The following IGSF3 variants were observed in gnomAD, a reference collection of about 807,000 sequenced individuals.
The protein encoded by IGSF3 is immunoglobulin superfamily member 3.
IGSF3 carries 23 observed loss-of-function variants against 114.4 expected under a neutral mutation model. The observed-to-expected ratio is 0.20, with a 90% CI of 0.14 to 0.28. The LOEUF (loss-of-function observed/expected upper bound fraction) is 0.28, where lower values mean the gene tolerates loss of function less well. IGSF3 is among the 10% of genes least tolerant of loss of function. IGSF3 has a pLI of 1.00. For missense variants in IGSF3, 1,172 were observed against 1,591.5 expected, an observed-to-expected ratio of 0.74 and a Z score of 4.48; for synonymous variants, 571 against 645.2, an observed-to-expected ratio of 0.88 and a Z score of 1.74.
intron 2 of IGSF3, among the ~76,000 whole-genome samples, chr1:116,658,812 C>T (rs1648989951): frequency 6.6e-6 from 1 of 152,230 alleles, no homozygotes; most frequent in Non-Finnish European, 1.5e-5. Flanking sequence ...CTCTCTCCCC[C>T]AGTAGACACC....
chr1:116,606,279 C>G (rs1200711828), intron 5 of IGSF3, among the ~76,000 whole-genome samples: 1 of 152,230 alleles, frequency 6.6e-6, no homozygotes, highest in Non-Finnish European at 1.5e-5. Context: ...ACTAACTGAA[C>G]AATCAGCTCT....
In IGSF3 at chr1:116,662,094, C is replaced by CA. The variant is rs1246621003; in HGVS notation, c.43+4189dup. Among the ~76,000 whole-genome samples the CA allele has an allele frequency of 2.0e-5, 3 of 151,030 alleles. No homozygotes were observed. The East Asian group carries it at 5.8e-4, about 29-fold the overall frequency. On this transcript the variant is annotated intron_variant, in intron 2 of 10. Transcript: ENST00000369486. This position sits in a 1 kb window ranked among gnomAD's most constrained non-coding sequence, Gnocchi z 4.3. ...AGTGACTCTTTTTTTTTTTTTGAGA[C>CA]AGAGTTTTGCTCATTGCCCAGGCTG...
At chr1:116,619,333 G>A (rs573764645) in intron 2 of IGSF3, among the ~76,000 whole-genome samples, 2 of 152,142 alleles carry the variant, frequency 1.3e-5, no homozygotes, top group African/African-American at 2.4e-5. Flanking sequence ...GATCATGCAC[G>A]TCCTCCCCAC....
chr1:116,584,703 C>A lies in IGSF3; in HGVS notation c.2790G>T (p.Met930Ile), dbSNP rs1422320410. The A allele has an allele frequency of 6.2e-6, 10 of 1,613,880 alleles. No individual in the cohort carries two copies. The highest frequency in any genetic ancestry group is 8.5e-6 in the Non-Finnish European group (10 of 1,179,716). Reference sequence around the variant, plus strand: ...CGGTGTCCTCTGCCCGCTTATACCACATGCCACTGGGGCTGGGCAGCCACT... The same window carrying A: ...CGGTGTCCTCTGCCCGCTTATACCAAATGCCACTGGGGCTGGGCAGCCACT... ...VEEWLPSPSG[M>I]WYKRAEDTAG... Residue 930 changes from methionine (M) to isoleucine (I), a missense_variant, in exon 9 of 11, where the codon ATG (methionine) becomes ATT (isoleucine). Physicochemically the swap from Met to Ile is conservative, Grantham distance 10. Transcript: ENST00000369486. This position sits in a 1 kb window ranked among gnomAD's most constrained non-coding sequence, Gnocchi z 5.8.
At position 116,647,191 on chromosome 1, in the gene IGSF3, G is replaced by A. The variant is rs533906442; in HGVS notation, c.43+19093C>T. The stretch of plus-strand genomic sequence containing the variant: ...CCCAGGCAGCGATGCCCAAATGACC[G>A]GCTGAGGAATCACCTCACTGCTGCC... On this transcript the variant is annotated intron_variant, in intron 2 of 10. Transcript: ENST00000369486. The surrounding 1 kb of genome is among the most constrained non-coding windows in gnomAD (Gnocchi z 4.6). Among the ~76,000 whole-genome samples, 19 of 152,194 alleles carry A rather than the reference G, an allele frequency of 1.2e-4. No homozygotes were observed. Among genetic ancestry groups the A allele is most frequent in the South Asian group, 2.1e-4 (1 of 4,832 alleles).
Position 116,579,857 on chromosome 1 carries a change from T to C in IGSF3, c.2869A>G (p.Thr957Ala), listed in dbSNP as rs1312221854. 4.4e-6 allele frequency: 7 copies of C among 1,606,944 alleles called. No individual in the cohort carries two copies. Among genetic ancestry groups the C allele is most frequent in the Non-Finnish European group, 5.1e-6 (6 of 1,177,090 alleles). The change falls in exon 10 of 11, where the codon ACA becomes GCA. Residue 957 changes from threonine (T) to alanine (A), a missense_variant. By Grantham distance (58) the Thr-to-Ala change is moderately conservative. This residue lies in a region of IGSF3 where 423 missense variants were observed against 509.8 expected (regional missense o/e 0.83). Coordinates refer to ENST00000369486, the MANE Select transcript of IGSF3 (RefSeq NM_001007237.3). This position sits in a 1 kb window ranked among gnomAD's most constrained non-coding sequence, Gnocchi z 6.4. ...MRPDASLQVD[T>A]VVPNATVSEK... Reference sequence around the variant, plus strand: ...GAGACCGTGGCATTGGGGACCACTGTGTCCACCTGCAGGGAAGCATCTGGG... The same window carrying C: ...GAGACCGTGGCATTGGGGACCACTGCGTCCACCTGCAGGGAAGCATCTGGG...
rs1457323413 is a variant in IGSF3, at chr1:116,582,746, T to C, written c.2848+1899A>G. ...ACATAAAACAGTAAGATCCTGAGTTTGTTTACAGACAGAGGAAATATGAAG... is the reference window on the plus strand; with the variant it reads ...ACATAAAACAGTAAGATCCTGAGTTCGTTTACAGACAGAGGAAATATGAAG... On this transcript the variant is annotated intron_variant, in intron 9 of 10. Coordinates refer to ENST00000369486, the MANE Select transcript of IGSF3 (RefSeq NM_001007237.3). The surrounding 1 kb of genome is among the most constrained non-coding windows in gnomAD (Gnocchi z 4.7). 2.0e-5 allele frequency among the ~76,000 whole-genome samples: 3 copies of C among 152,192 alleles called. No homozygotes were observed. The highest frequency in any genetic ancestry group is 7.2e-5 in the African/African-American group (3 of 41,434).
intron 7 of IGSF3, among the ~76,000 whole-genome samples, chr1:116,597,400 A>C (rs1170184336): frequency 6.6e-6 from 1 of 152,238 alleles, no homozygotes; most frequent in Non-Finnish European, 1.5e-5. Context: ...TTAAGTGCTA[A>C]ATGCATAAAT....
rs1649356331 is a variant in IGSF3 at position 116,666,910 on chromosome 1, G to A, written c.-584C>T. 2.5e-6 allele frequency: 1 copy of A among 402,508 alleles called. No individual in the cohort carries two copies. The allele number at this position is 402,508 out of a possible 1,614,324, so 24.9% of individuals were successfully genotyped here. On this transcript the variant is annotated 5_prime_UTR_variant, in exon 2 of 11. Coordinates refer to ENST00000369486, the MANE Select transcript of IGSF3 (RefSeq NM_001007237.3). ...CGCCTGCCTAGGGCACACGAAGCAA[G>A]TTGGCGTTCGGCAGCCCTGAAGCGG...
rs1239529132 is a variant in IGSF3 at position 116,582,831 on chromosome 1, G to GT, written c.2848+1813dup. ...TATTAATAGTAGATATTTGTAGGCC[G>GT]TGAGATTATGGCTAACCTTTCTTTT... On this transcript the variant is annotated intron_variant, in intron 9 of 10. Coordinates refer to ENST00000369486, the MANE Select transcript of IGSF3 (RefSeq NM_001007237.3). This position sits in a 1 kb window ranked among gnomAD's most constrained non-coding sequence, Gnocchi z 4.7. Among the ~76,000 whole-genome samples the GT allele has an allele frequency of 2.0e-5, 3 of 152,196 alleles. No individual in the cohort carries two copies. The highest frequency in any genetic ancestry group is 4.4e-5 in the Non-Finnish European group (3 of 68,032).
Position 116,603,719 on chromosome 1 carries a change from T to G in IGSF3, c.1529A>C (p.Glu510Ala), listed in dbSNP as rs772823942. Residue 510 changes from glutamate (E) to alanine (A), a missense_variant, in exon 6 of 11, where the codon GAA (glutamate) becomes GCA (alanine). Transcript: ENST00000369486. The surrounding 1 kb of genome is among the most constrained non-coding windows in gnomAD (Gnocchi z 7.1). ...NSRKEDEGQY[E>A]CHVTEWVRAV... ...CCGCACCCATTCAGTCACATGGCAT[T>G]CATACTGGCCCTCGTCCTCCTTCCT... 4.2e-5 allele frequency: 68 copies of G among 1,613,812 alleles called. No homozygotes were observed. Among genetic ancestry groups the G allele is most frequent in the Non-Finnish European group, 5.7e-5 (67 of 1,179,866 alleles).
In IGSF3 at chr1:116,636,847, A is replaced by T. The variant is rs1388855746; in HGVS notation, c.44-20390T>A. Among the ~76,000 whole-genome samples, 1 of 152,176 alleles carries T rather than the reference A, an allele frequency of 6.6e-6. No homozygotes were observed. The highest frequency in any genetic ancestry group is 2.4e-5 in the African/African-American group (1 of 41,436). On this transcript the variant is annotated intron_variant, in intron 2 of 10. Coordinates refer to ENST00000369486, the MANE Select transcript of IGSF3 (RefSeq NM_001007237.3). This position sits in a 1 kb window ranked among gnomAD's most constrained non-coding sequence, Gnocchi z 4.5. ...GTGTTTTTCTTCCTGGCTTTAAAAC[A>T]AATTGTGACAAATGGCTCCACAGAT...
chr1:116,621,495 C>T (rs1275040309), intron 2 of IGSF3, among the ~76,000 whole-genome samples: 2 of 152,188 alleles, frequency 1.3e-5, no homozygotes, highest in Non-Finnish European at 2.9e-5. Context: ...CTGCAACCTC[C>T]TGGGAGACTC....
chr1:116,586,752 T>C (rs1220023089), intron 8 of IGSF3, among the ~76,000 whole-genome samples: 1 of 152,008 alleles, frequency 6.6e-6, no homozygotes, highest in Non-Finnish European at 1.5e-5. Context: ...AGAGTGGAAA[T>C]GCAGAGTGGT....
At chr1:116,580,426 C>T (rs559310812) in intron 9 of IGSF3, among the ~76,000 whole-genome samples, 6 of 152,288 alleles carry the variant, frequency 3.9e-5, no homozygotes, top group South Asian at 2.1e-4. Flanking sequence ...GAATTCATAA[C>T]CCACGATGTG....
rs957408493 is a variant in IGSF3 at position 116,594,769 on chromosome 1, T to G, written c.2029+5172A>C. On this transcript the variant is annotated intron_variant, in intron 7 of 10. Coordinates refer to ENST00000369486, the MANE Select transcript of IGSF3 (RefSeq NM_001007237.3). This position sits in a 1 kb window ranked among gnomAD's most constrained non-coding sequence, Gnocchi z 5.2. ...GGGGGTGAACCCTCCCCAGACCCCA[T>G]GCTTTAGTCATCTCAAGATAAGCAT... 8.5e-5 allele frequency among the ~76,000 whole-genome samples: 13 copies of G among 152,128 alleles called. No homozygotes were observed. Among genetic ancestry groups the G allele is most frequent in the African/African-American group, 3.1e-4 (13 of 41,422 alleles).
In IGSF3 at chr1:116,644,150, C is replaced by T. The variant is rs1307221239; in HGVS notation, c.43+22134G>A. 2.0e-5 allele frequency among the ~76,000 whole-genome samples: 3 copies of T among 152,230 alleles called. No homozygotes were observed. Among genetic ancestry groups the T allele is most frequent in the African/African-American group, 7.2e-5 (3 of 41,456 alleles). On this transcript the variant is annotated intron_variant, in intron 2 of 10. Transcript: ENST00000369486. The surrounding 1 kb of genome is among the most constrained non-coding windows in gnomAD (Gnocchi z 5.6). ...CAGGAAACGTGCCCACAAATAAAGA[C>T]AAAAGTAAACCCAACTACACATTCC...
chr1:116,585,126 G>A lies in IGSF3; in HGVS notation c.2441-74C>T, dbSNP rs988684010. On this transcript the variant is annotated intron_variant, in intron 8 of 10. Transcript: ENST00000369486. The surrounding 1 kb of genome is among the most constrained non-coding windows in gnomAD (Gnocchi z 4.9). ...TCGTACGCACCCTTTCCCAGGGTAG[G>A]TGAATGGATGCCTTCCAAATACAGA... 3.5e-6 allele frequency: 4 copies of A among 1,150,696 alleles called. No individual in the cohort carries two copies. Among genetic ancestry groups the A allele is most frequent in the African/African-American group, 3.1e-5 (2 of 64,972 alleles). 71.3% of individuals were successfully genotyped at this position (1,150,696 alleles called of 1,614,324 possible).
rs942491544 is a variant in IGSF3, at chr1:116,665,140, A to G, written c.43+1144T>C. 1.3e-5 allele frequency among the ~76,000 whole-genome samples: 2 copies of G among 152,206 alleles called. No individual in the cohort carries two copies. Among genetic ancestry groups the G allele is most frequent in the South Asian group, 2.1e-4 (1 of 4,828 alleles). Reference sequence around the variant, plus strand: ...CTGTTTTATTGACATTCAGATGTCAATCATGGTGAAGCTGGGATAGGAACT... The same window carrying G: ...CTGTTTTATTGACATTCAGATGTCAGTCATGGTGAAGCTGGGATAGGAACT... On this transcript the variant is annotated intron_variant, in intron 2 of 10. Coordinates refer to ENST00000369486, the MANE Select transcript of IGSF3 (RefSeq NM_001007237.3). The surrounding 1 kb of genome is among the most constrained non-coding windows in gnomAD (Gnocchi z 4.0).
Sources: allele counts gnomAD v4.1 joint callset (sites outside exome capture counted in the v4.1 genomes callset), GRCh38; gene constraint gnomAD v4.1.1; regional missense constraint gnomAD v4.1.1; non-coding constraint Gnocchi (gnomAD v3.1); transcripts MANE v1.5; gene names NCBI Gene and HGNC (gene_info 2026-07-23, HGNC 2026-07-21).